Variants in GRID2 observed in about 807,000 individuals in gnomAD.
The protein encoded by GRID2 is glutamate receptor ionotropic, delta-2.
In GRID2, 33 loss-of-function variants were observed where a neutral mutation model predicts 114.8. The observed-to-expected ratio is 0.29, with a 90% CI of 0.22 to 0.38. GRID2 has a LOEUF of 0.38. GRID2 is among the 10% of genes least tolerant of loss of function. The pLI, the probability that GRID2 is intolerant of heterozygous loss-of-function variation, is 1.00. For missense variants in GRID2, 1,184 were observed against 1,257.7 expected, an observed-to-expected ratio of 0.94 and a Z score of 0.89; for synonymous variants, 505 against 449.9, an observed-to-expected ratio of 1.12 and a Z score of -1.55.
At chr4:92,590,400 G>A in intron 2 of GRID2, 114 bp downstream of exon 2, 2 of 701,008 alleles carry the variant, frequency 2.9e-6, no homozygotes, top group Non-Finnish European at 4.8e-6. Context: ...TTGATAATAG[G>A]GCATTATTTT....
At chr4:93,285,417 GA>G (rs1325153467) in intron 8 of GRID2, among the ~76,000 whole-genome samples, 4 of 151,668 alleles carry the variant, frequency 2.6e-5, no homozygotes, top group Non-Finnish European at 5.9e-5. Context: ...CATGAAAAAG[GA>G]AAAAAATAAA....
At chr4:92,775,774 G>T (rs745513882) in intron 2 of GRID2, among the ~76,000 whole-genome samples, 2 of 152,122 alleles carry the variant, frequency 1.3e-5, no homozygotes, top group Non-Finnish European at 2.9e-5. Flanking sequence ...AATTGTCAGA[G>T]TAATTATTGG....
chr4:92,448,631 TTAC>T (rs959690932), intron 1 of GRID2, among the ~76,000 whole-genome samples: 6 of 152,298 alleles, frequency 3.9e-5, no homozygotes, highest in East Asian at 1.9e-4. Flanking sequence ...GAGACATTTT[TTAC>T]TACATTTATT....
intron 14 of GRID2, among the ~76,000 whole-genome samples, chr4:93,674,739 A>G (rs1406815774): frequency 6.6e-6 from 1 of 152,134 alleles, no homozygotes. Flanking sequence ...TAATCTTTTA[A>G]GAAATAAATA....
At chr4:92,901,066 T>A (rs1021936703) in intron 2 of GRID2, among the ~76,000 whole-genome samples, 1 of 151,980 alleles carries the variant, frequency 6.6e-6, no homozygotes, top group Non-Finnish European at 1.5e-5. Context: ...ATACAATAAT[T>A]TTTTTTAGCG....
chr4:93,034,113 T>A (rs1383637967), intron 2 of GRID2, among the ~76,000 whole-genome samples: 1 of 152,086 alleles, frequency 6.6e-6, no homozygotes, highest in African/African-American at 2.4e-5. Context: ...GTTATATGAG[T>A]GAGTCTGCCG....
intron 2 of GRID2, among the ~76,000 whole-genome samples, chr4:92,994,199 A>G (rs1014951472): frequency 6.6e-6 from 1 of 152,226 alleles, no homozygotes; most frequent in African/African-American, 2.4e-5. Flanking sequence ...AAACATAGCA[A>G]TGAGGCCCAA....
intron 4 of GRID2, among the ~76,000 whole-genome samples, chr4:93,177,622 A>G (rs1200931761): frequency 2.0e-5 from 3 of 152,218 alleles, no homozygotes; most frequent in Admixed American, 6.5e-5. Flanking sequence ...TTCATTGAGT[A>G]CTGTTGATTC....
intron 2 of GRID2, among the ~76,000 whole-genome samples, chr4:92,935,317 A>G (rs541489566): frequency 1.4e-5 from 2 of 147,360 alleles, no homozygotes; most frequent in Non-Finnish European, 3.0e-5. Context: ...GAGAAATGCA[A>G]ATCAAAACCA....
At chr4:92,960,222 G>C (rs1405226088) in intron 2 of GRID2, among the ~76,000 whole-genome samples, 2 of 151,916 alleles carry the variant, frequency 1.3e-5, no homozygotes, top group Non-Finnish European at 2.9e-5. Context: ...GTTAGCTTGA[G>C]AGGCATGCTT....
chr4:92,955,882 C>A (rs899032462), intron 2 of GRID2, among the ~76,000 whole-genome samples: 3 of 152,014 alleles, frequency 2.0e-5, no homozygotes, highest in Admixed American at 2.0e-4. Flanking sequence ...GAATCCTTTC[C>A]CCATTGCTTG....
At chr4:93,355,986 A>T (rs1761299201) in intron 8 of GRID2, among the ~76,000 whole-genome samples, 1 of 152,100 alleles carries the variant, frequency 6.6e-6, no homozygotes. Flanking sequence ...ACAAAGACTG[A>T]CTTGTCTCTC....
chr4:92,642,055 C>T (rs994204166), intron 2 of GRID2, among the ~76,000 whole-genome samples: 4 of 151,482 alleles, frequency 2.6e-5, no homozygotes, highest in East Asian at 1.9e-4. Flanking sequence ...AGGTTGATTT[C>T]ATTATCTTTG....
chr4:93,427,015 T>C (rs1462804817), intron 10 of GRID2, among the ~76,000 whole-genome samples: 1 of 151,900 alleles, frequency 6.6e-6, no homozygotes, highest in Non-Finnish European at 1.5e-5. Context: ...TGGGTTGTCA[T>C]GAATGCCAAC....
At chr4:92,927,357 G>T (rs919166351) in intron 2 of GRID2, among the ~76,000 whole-genome samples, 2 of 151,852 alleles carry the variant, frequency 1.3e-5, no homozygotes, top group South Asian at 4.1e-4. Context: ...GATGCTGGCA[G>T]AACTTCTTGG....
chr4:92,732,090 T>C (rs1736354346), intron 2 of GRID2, among the ~76,000 whole-genome samples: 1 of 151,994 alleles, frequency 6.6e-6, no homozygotes, highest in Admixed American at 6.6e-5. Context: ...GAATCCACTT[T>C]ACAGTGACAT....
intron 8 of GRID2, among the ~76,000 whole-genome samples, chr4:93,270,003 G>A (rs1751262160): frequency 6.6e-6 from 1 of 152,078 alleles, no homozygotes. Context: ...TAGGGATGCT[G>A]AAGTGTTCAG....
chr4:93,273,627 G>A (rs1200652752), intron 8 of GRID2, among the ~76,000 whole-genome samples: 1 of 152,096 alleles, frequency 6.6e-6, no homozygotes, highest in African/African-American at 2.4e-5. Context: ...TAAGGCCAGA[G>A]TGATAACATG....
chr4:92,564,836 C>A (rs1008306077), intron 1 of GRID2, among the ~76,000 whole-genome samples: 10 of 151,912 alleles, frequency 6.6e-5, no homozygotes, highest in African/African-American at 2.4e-4. Context: ...TATTTTCGTG[C>A]TACAAGGCCA....
Sources: allele counts gnomAD v4.1 joint callset (sites outside exome capture counted in the v4.1 genomes callset), GRCh38; gene constraint gnomAD v4.1.1; transcripts MANE v1.5; gene names NCBI Gene and HGNC (gene_info 2026-07-23, HGNC 2026-07-21).